Variants in DHX16 observed in about 807,000 individuals in gnomAD.
The protein encoded by DHX16 is DEAH-box helicase 16.
Under a neutral mutation model 131.2 loss-of-function variants are expected in DHX16, and 81 were observed. The ratio of observed to expected loss-of-function variants is 0.62; its 90% CI spans 0.52 to 0.74. The LOEUF (loss-of-function observed/expected upper bound fraction) is 0.74. Among genes scored for constraint, DHX16 ranks in the 30% least tolerant of loss-of-function variants. The pLI is 0.00. For synonymous variants in DHX16, 440 were observed against 520.2 expected, an observed-to-expected ratio of 0.85 and a Z score of 2.10; for missense variants, 980 against 1,363.1, an observed-to-expected ratio of 0.72 and a Z score of 4.43.
intron 1 of DHX16, among the ~76,000 whole-genome samples, chr6:30,671,814 C>T (rs944430923): frequency 2.5e-4 from 38 of 151,826 alleles, no homozygotes; most frequent in Non-Finnish European, 2.1e-4. Context: ...TCCTAAGTAG[C>T]TAGAAACACA....
intron 18 of DHX16, 69 bp downstream of exon 18, chr6:30,655,106 T>A: frequency 6.3e-7 from 1 of 1,588,710 alleles, no homozygotes; most frequent in Non-Finnish European, 8.6e-7. Context: ...AAATGCTGCA[T>A]GCCCCCAGAG....
At chr6:30,653,618 T>TTGGCCTCCCAAAGTGCTAGGATCCTGCCC (rs1767668649) in intron 19 of DHX16, among the ~76,000 whole-genome samples, 3 of 152,238 alleles carry the variant, frequency 2.0e-5, no homozygotes, top group Admixed American at 1.3e-4. Flanking sequence ...TGGGCTGATC[T>TTGGCCTCCCAAAGTGCTAGGATCCTGCCC]TGGCCTCCCA....
chr6:30,657,637 A>C (rs1020178981), intron 12 of DHX16, among the ~76,000 whole-genome samples: 32 of 150,206 alleles, frequency 2.1e-4, no homozygotes, highest in Admixed American at 7.3e-4. Context: ...CACCTCCCTC[A>C]CTCCTCCCAC....
rs917779820 is a variant in DHX16 at position 30,661,602 on chromosome 6, C to T, written c.1544+1025G>A. Among the ~76,000 whole-genome samples, 5 of 152,268 alleles carry T rather than the reference C, an allele frequency of 3.3e-5. No homozygotes were observed. The South Asian group carries it at 6.2e-4, about 19-fold the overall frequency. ...CCTTTCTACCTCAACTCTCACAGGA[C>T]TCTGCATGCTCCTTGGTTTCCTCCT... is the stretch of plus-strand genomic sequence containing the variant. On this transcript the variant is annotated intron_variant, in intron 9 of 19. Transcript: ENST00000376442.
Position 30,665,467 on chromosome 6 carries a change from G to T in DHX16, c.921+12C>A. 1.2e-6 allele frequency: 2 copies of T among 1,609,346 alleles called. No individual in the cohort carries two copies. The highest frequency in any genetic ancestry group is 1.7e-6 in the Non-Finnish European group (2 of 1,177,306). On this transcript the variant is annotated intron_variant, in intron 5 of 19. Transcript: ENST00000376442. The surrounding 1 kb of genome is among the most constrained non-coding windows in gnomAD (Gnocchi z 4.8). The stretch of plus-strand genomic sequence containing the variant: ...GGGGACCAAGGCTGAAGCAGACGCC[G>T]CTTCACCTCACCTGTCCTCGGGTTT...
intron 12 of DHX16, 128 bp from the exon 13 acceptor site, chr6:30,657,220 T>C: frequency 1.0e-6 from 1 of 962,226 alleles, no homozygotes; most frequent in Non-Finnish European, 1.5e-6. Context: ...ATTAGTAGTA[T>C]CCAAGGTCAG....
At chr6:30,669,744 TAAAAAAAAAAA>T (rs953317689) in intron 4 of DHX16, among the ~76,000 whole-genome samples, 6 of 113,822 alleles carry the variant, frequency 5.3e-5, no homozygotes, top group East Asian at 2.5e-4. Context: ...AAAAAAGGTT[TAAAAAAAAAAA>T]AAAAAAAAAA....
Position 30,670,586 on chromosome 6 carries a change from T to C in DHX16, c.610-120A>G. 7.9e-7 allele frequency: 1 copy of C among 1,260,236 alleles called. No individual in the cohort carries two copies. The highest frequency in any genetic ancestry group is 1.1e-6 in the Non-Finnish European group (1 of 901,402). 78.1% of individuals were successfully genotyped at this position (1,260,236 alleles called of 1,614,324 possible). On this transcript the variant is annotated intron_variant, in intron 3 of 19. Transcript: ENST00000376442. The surrounding 1 kb of genome is among the most constrained non-coding windows in gnomAD (Gnocchi z 4.4). ...GCCCTAACACAAAAAATGTCCCCTC[T>C]CAGTGAGGAATCTCTCTGATTGCAG...
chr6:30,661,262 T>C (rs1768487093), intron 9 of DHX16, among the ~76,000 whole-genome samples: 1 of 152,180 alleles, frequency 6.6e-6, no homozygotes, highest in African/African-American at 2.4e-5. Context: ...TTTTATATTT[T>C]TTAGTAGAGA....
chr6:30,655,544 T>G lies in DHX16; in HGVS notation c.2552A>C (p.Asn851Thr), dbSNP rs749334371. Residue 851 changes from asparagine to threonine, a missense_variant, in exon 17 of 20, where the codon AAC becomes ACC. By Grantham distance (65) the Asn-to-Thr change is moderately conservative. Coordinates refer to ENST00000376442, the MANE Select transcript of DHX16 (RefSeq NM_003587.5). Reference protein sequence around the residue: ...LTVAAMLSVNNSIFYRPKDKV... With the variant: ...LTVAAMLSVNTSIFYRPKDKV... ...GTCCTTTGGTCGGTAGAAGATGGAG[T>G]TGTTGACAGAGAGCATGGCAGCCAC... The G allele has an allele frequency of 3.7e-6, 6 of 1,612,842 alleles. No homozygotes were observed. The highest frequency in any genetic ancestry group is 4.2e-6 in the Non-Finnish European group (5 of 1,179,972).
In DHX16 at chr6:30,665,140, C is replaced by T. The variant is rs1177683737; in HGVS notation, c.1056G>A (p.Lys352=). 2 of 1,613,928 alleles carry T rather than the reference C, an allele frequency of 1.2e-6. No homozygotes were observed. Among genetic ancestry groups the T allele is most frequent in the Non-Finnish European group, 1.7e-6 (2 of 1,179,970 alleles). The change falls in exon 6 of 20, where the codon AAG becomes AAA. Residue 352 remains lysine (K), a synonymous_variant. Coordinates refer to ENST00000376442, the MANE Select transcript of DHX16 (RefSeq NM_003587.5). The surrounding 1 kb of genome is among the most constrained non-coding windows in gnomAD (Gnocchi z 4.8). The stretch of plus-strand genomic sequence containing the variant: ...CCTCCTCCTCCAGCACCAGTTGATA[C>T]TTGGGCTCCTGAGAGGCAGCATCTC... ...GARDAASQEP[K]YQLVLEEEET...
chr6:30,672,771 C>G lies in DHX16; in HGVS notation c.71G>C (p.Arg24Pro). ...ACCGATCAGAAACTGGGCGACGTGCCGCTCGCTCAGCCCCAACACCGAGTG... is the reference window on the plus strand; with the variant it reads ...ACCGATCAGAAACTGGGCGACGTGCGGCTCGCTCAGCCCCAACACCGAGTG... ...ELHSVLGLSE[R>P]HVAQFLIGTA... The change falls in exon 1 of 20, where the codon CGG becomes CCG. Residue 24 changes from arginine to proline, a missense_variant. This residue lies in a region of DHX16 where 457 missense variants were observed against 554.8 expected (regional missense o/e 0.82). Coordinates refer to ENST00000376442, the MANE Select transcript of DHX16 (RefSeq NM_003587.5). 1 of 1,613,064 alleles carries G rather than the reference C, an allele frequency of 6.2e-7. No homozygotes were observed. Among genetic ancestry groups the G allele is most frequent in the Non-Finnish European group, 8.5e-7 (1 of 1,180,026 alleles).
rs143268425 is a variant in DHX16, at chr6:30,656,619, G to T, written c.2289C>A (p.Val763=). Residue 763 remains valine (V), a synonymous_variant, in exon 14 of 20, where the codon GTC becomes GTA. Transcript: ENST00000376442. The surrounding 1 kb of genome is among the most constrained non-coding windows in gnomAD (Gnocchi z 5.1). The stretch of plus-strand genomic sequence containing the variant: ...CACCTAAGCTCTTGAGCAGCAACAC[G>T]ACATTGCCCAAGCTGGTCCTCTGGA... ...PEIQRTSLGN[V]VLLLKSLGIH... 1 of 1,613,990 alleles carries T rather than the reference G, an allele frequency of 6.2e-7. No homozygotes were observed. The highest frequency in any genetic ancestry group is 8.5e-7 in the Non-Finnish European group (1 of 1,180,022).
In DHX16 at chr6:30,657,051, A is replaced by G. The variant is rs1458915652; in HGVS notation, c.2049T>C (p.Ile683=). Residue 683 remains isoleucine, a synonymous_variant, in exon 13 of 20, where the codon ATT becomes ATC. Coordinates refer to ENST00000376442, the MANE Select transcript of DHX16 (RefSeq NM_003587.5). ...ATNIAETSLT[I]EGIIYVLDPG... is the part of the protein sequence containing the mutation. ...GATCCAGCACATAAATGATGCCCTCAATGGTGAGTGATGTCTCAGCAATGT... is the reference window on the plus strand; with the variant it reads ...GATCCAGCACATAAATGATGCCCTCGATGGTGAGTGATGTCTCAGCAATGT... The G allele has an allele frequency of 6.2e-7, 1 of 1,613,042 alleles. No individual in the cohort carries two copies. The highest frequency in any genetic ancestry group is 2.2e-5 in the East Asian group (1 of 44,880).
intron 12 of DHX16, among the ~76,000 whole-genome samples, chr6:30,658,534 C>T (rs1303803007): frequency 4.9e-5 from 7 of 143,338 alleles, no homozygotes; most frequent in African/African-American, 1.3e-4. Context: ...CAGAGTGAGA[C>T]TCCATCTCAA....
At chr6:30,659,981 G>C in intron 10 of DHX16, 51 bp downstream of exon 10, 3 of 1,590,206 alleles carry the variant, frequency 1.9e-6, no homozygotes, top group Non-Finnish European at 2.6e-6. Context: ...CTTCTCCAAA[G>C]GCCTCAGCTT....
In DHX16 at chr6:30,668,994, A is replaced by G. The variant is rs576730232; in HGVS notation, c.666+1416T>C. On this transcript the variant is annotated intron_variant, in intron 4 of 19. Transcript: ENST00000376442. Reference sequence around the variant, plus strand: ...GTGGCTCATGCCTGTAATCCCAGCTACTCTGGAGGCTGAGGCAGGAGAATC... The same window carrying G: ...GTGGCTCATGCCTGTAATCCCAGCTGCTCTGGAGGCTGAGGCAGGAGAATC... Among the ~76,000 whole-genome samples, 4 of 148,842 alleles carry G rather than the reference A, an allele frequency of 2.7e-5. No individual in the cohort carries two copies. The South Asian group carries it at 8.6e-4, about 32-fold the overall frequency.
At chr6:30,661,284 C>T (rs1315915018) in intron 9 of DHX16, among the ~76,000 whole-genome samples, 3 of 152,136 alleles carry the variant, frequency 2.0e-5, no homozygotes, top group Admixed American at 6.6e-5. Context: ...GGGGTTTCAC[C>T]GTGTTAGCCA....
At position 30,653,246 on chromosome 6, in the gene DHX16, C is replaced by A. The variant is rs1767625656; in HGVS notation, c.3122G>T (p.Gly1041Val). ...KKIGKTREEL[G>V] ...GGTTCTGTTTACGTCCTTCTCTTAC[C>A]CTAGCTCTTCTCGTGTTTTGCCTAT... Residue 1041 changes from glycine to valine, a missense_variant, in exon 20 of 20, where the codon GGG becomes GTG. Gly to Val is a moderately radical substitution (Grantham distance 109). Around this residue, in one of 3 missense-constraint regions of DHX16, gnomAD observed 214 missense variants for 271.2 expected, o/e 0.79. Coordinates refer to ENST00000376442, the MANE Select transcript of DHX16 (RefSeq NM_003587.5). The A allele has an allele frequency of 6.2e-7, 1 of 1,612,612 alleles. No individual in the cohort carries two copies. The highest frequency in any genetic ancestry group is 1.3e-5 in the African/African-American group (1 of 74,806).
Sources: allele counts gnomAD v4.1 joint callset (sites outside exome capture counted in the v4.1 genomes callset), GRCh38; gene constraint gnomAD v4.1.1; regional missense constraint gnomAD v4.1.1; non-coding constraint Gnocchi (gnomAD v3.1); transcripts MANE v1.5; gene names NCBI Gene and HGNC (gene_info 2026-07-23, HGNC 2026-07-21).